The following DMD variants were observed in gnomAD, a reference collection of about 807,000 sequenced individuals.
DMD encodes dystrophin.
Under a neutral mutation model 330.1 loss-of-function variants are expected in DMD, and 63 were observed. The observed-to-expected ratio is 0.19, with a 90% CI of 0.16 to 0.24. The LOEUF is 0.24. Ranked by LOEUF, DMD falls within the 10% of genes least tolerant of loss-of-function variation. DMD has a pLI of 1.00. For missense variants in DMD, 3,344 were observed against 2,684.1 expected (o/e 1.25, Z -5.43); for synonymous variants, 1,223 against 959.8 (o/e 1.27, Z -5.07).
At chrX:33,010,204 G>GTGTGTATATGTACATA (rs1557208488) in intron 2 of DMD, among the ~76,000 whole-genome samples, 1 of 89,725 alleles carries the variant, frequency 1.1e-5, no homozygotes, top group East Asian at 3.4e-4. Context: ...ATATGCATAT[G>GTGTGTATATGTACATA]TGTGTGTATA....
At chrX:32,654,430 C>T (rs112095714) in intron 9 of DMD, among the ~76,000 whole-genome samples, 1 of 111,695 alleles carries the variant, frequency 9.0e-6, no homozygotes, top group Non-Finnish European at 1.9e-5. Flanking sequence ...ATCTTTGGTT[C>T]TGTTTATATG....
chrX:32,205,366 C>A (rs148895473), intron 44 of DMD, among the ~76,000 whole-genome samples: 23,759 of 106,832 alleles, frequency 0.22, 2,123 homozygotes, highest in East Asian at 0.35. Flanking sequence ...CATCACTTTT[C>A]AACTTTTTCT....
At chrX:31,281,994 A>G (rs1347884147) in intron 62 of DMD, among the ~76,000 whole-genome samples, 2 of 107,397 alleles carry the variant, frequency 1.9e-5, no homozygotes, top group Non-Finnish European at 3.8e-5. Flanking sequence ...GATTTGTGAG[A>G]GTCATGCGAC....
chrX:32,580,919 C>G (rs1190625641), intron 13 of DMD, among the ~76,000 whole-genome samples: 2 of 110,869 alleles, frequency 1.8e-5, no homozygotes, highest in Admixed American at 9.6e-5. Flanking sequence ...CTCCACCACC[C>G]AAGTTCAAGG....
chrX:32,118,995 C>T (rs903851372), intron 44 of DMD, among the ~76,000 whole-genome samples: 3 of 111,158 alleles, frequency 2.7e-5, no homozygotes, highest in African/African-American at 6.5e-5. Flanking sequence ...CTGCAGCTCA[C>T]CTCCTGATGT....
chrX:32,781,962 C>G (rs947913621), intron 7 of DMD, among the ~76,000 whole-genome samples: 2 of 111,332 alleles, frequency 1.8e-5, no homozygotes, highest in East Asian at 5.7e-4. Flanking sequence ...CAGTTGATAT[C>G]TTAATACACT....
At chrX:33,292,540 TAGGCC>T (rs2053527683) in intron 1 of DMD, among the ~76,000 whole-genome samples, 1 of 110,730 alleles carries the variant, frequency 9.0e-6, no homozygotes. Context: ...GCGGATTTCC[TAGGCC>T]AGTTTTTTAT....
chrX:32,282,124 C>T (rs1021881782), intron 43 of DMD, among the ~76,000 whole-genome samples: 6 of 111,905 alleles, frequency 5.4e-5, no homozygotes, highest in African/African-American at 1.9e-4. Context: ...AACTGTTCTA[C>T]CCTCTTAGTC....
At chrX:32,655,467 C>G (rs2060494436) in intron 9 of DMD, among the ~76,000 whole-genome samples, 1 of 112,069 alleles carries the variant, frequency 8.9e-6, no homozygotes, top group Non-Finnish European at 1.9e-5. Context: ...TTTCTTAATC[C>G]AGAGTTCTAG....
chrX:32,467,879 G>A (rs184623323), intron 23 of DMD, among the ~76,000 whole-genome samples: 7 of 109,280 alleles, frequency 6.4e-5, no homozygotes, highest in Admixed American at 6.0e-4. Flanking sequence ...TAATTTCTTA[G>A]GAGTATCATA....
intron 1 of DMD, among the ~76,000 whole-genome samples, chrX:33,083,193 T>C (rs5972747): frequency 0.036 from 4,002 of 111,827 alleles, 80 homozygotes; most frequent in Middle Eastern, 0.13. Flanking sequence ...GCTATAGCTG[T>C]GGGGTTTAAG....
intron 62 of DMD, among the ~76,000 whole-genome samples, chrX:31,281,823 A>C (rs773552742): frequency 8.9e-6 from 1 of 112,173 alleles, no homozygotes; most frequent in African/African-American, 3.2e-5. Context: ...CCGTTCCCAT[A>C]AAGCTGAGTA....
chrX:31,935,883 C>T (rs2094917650), intron 45 of DMD, among the ~76,000 whole-genome samples: 1 of 110,797 alleles, frequency 9.0e-6, no homozygotes, highest in South Asian at 3.8e-4. Context: ...TCAAACACTC[C>T]CCTCTTTTCA....
At chrX:32,005,947 G>A (rs1395900141) in intron 44 of DMD, among the ~76,000 whole-genome samples, 1 of 111,265 alleles carries the variant, frequency 9.0e-6, no homozygotes, top group African/African-American at 3.3e-5. Flanking sequence ...CTTTAATGAA[G>A]TGGTGGGTGT....
chrX:32,950,990 G>T (rs952583999), intron 2 of DMD, among the ~76,000 whole-genome samples: 1 of 111,352 alleles, frequency 9.0e-6, no homozygotes, highest in Non-Finnish European at 1.9e-5. Context: ...ACCTCCTAAA[G>T]TTACCTTCTA....
rs946602251 is a variant in DMD at position 31,875,524 on chromosome X, A to G, written c.6913-151T>C. ...TAGCAGCATAATATTGATTATTTAC[A>G]TATATTACATGTTGGGATTTAACCA... On this transcript the variant is annotated intron_variant, in intron 47 of 78. Transcript: ENST00000357033. The G allele has an allele frequency of 1.3e-5, 6 of 478,141 alleles. No individual in the cohort carries two copies. In the African/African-American group the frequency reaches 1.5e-4, roughly 12 times the overall value. 39.4% of individuals were successfully genotyped at this position (478,141 alleles called of 1,213,427 possible). A position where few individuals can be genotyped will look rare whatever the true frequency, so the allele number is the denominator to read the frequency against.
rs141727173 is a variant in DMD, at chrX:31,320,025, G to A, written c.9224+3573C>T. Among the ~76,000 whole-genome samples, 4 of 112,327 alleles carry A rather than the reference G, an allele frequency of 3.6e-5. No homozygotes were observed. In the East Asian group the frequency reaches 1.1e-3, roughly 31 times the overall value. ...AGTTGTAACAGGTTGAACATTGTTG[G>A]TGATTATTTTTTCAGTGGCAATGAA... On this transcript the variant is annotated intron_variant, in intron 62 of 78. Coordinates refer to ENST00000357033, the MANE Select transcript of DMD (RefSeq NM_004006.3).
intron 7 of DMD, among the ~76,000 whole-genome samples, chrX:32,707,682 GA>G (rs918465706): frequency 9.0e-6 from 1 of 111,485 alleles, no homozygotes; most frequent in South Asian, 3.7e-4. Flanking sequence ...TATTTTATTT[GA>G]AAAATACATC....
At chrX:33,123,235 T>C (rs140413291) in intron 1 of DMD, among the ~76,000 whole-genome samples, 87 of 111,830 alleles carry the variant, frequency 7.8e-4, no homozygotes, top group East Asian at 3.7e-3. Context: ...CACACAACGA[T>C]GAAATTACCT....
Sources: gnomAD v4.1 joint callset for allele counts (sites outside exome capture counted in the v4.1 genomes callset) on GRCh38, gnomAD v4.1.1 for gene constraint, MANE v1.5 for transcripts, NCBI Gene and HGNC (gene_info 2026-07-23, HGNC 2026-07-21) for gene names.